BDKRB2: variants seen among roughly 807,000 people sequenced by gnomAD.
BDKRB2 encodes the protein bradykinin receptor B2, also known as B2 bradykinin receptor.
A neutral mutation model predicts 4.0 loss-of-function variants in BDKRB2; 6 were observed. The ratio of observed to expected loss-of-function variants is 1.49; its 90% CI spans 0.81 to 2.93. The LOEUF is 2.93. BDKRB2 is among the 30% of genes most tolerant of loss of function. BDKRB2 has a pLI of 0.00. For missense variants in BDKRB2, 478 were observed against 520.1 expected (o/e 0.92, Z 0.79); for synonymous variants, 225 against 215.3 (o/e 1.05, Z -0.40).
At chr14:96,224,485 T>A (rs1890650549) in intron 1 of BDKRB2, among the ~76,000 whole-genome samples, 1 of 152,174 alleles carries the variant, frequency 6.6e-6, no homozygotes, top group Non-Finnish European at 1.5e-5. Flanking sequence ...AATGAAGATA[T>A]GTTGCAGGCA....
At chr14:96,208,931 G>A (rs1401445593) in intron 1 of BDKRB2, among the ~76,000 whole-genome samples, 1 of 152,212 alleles carries the variant, frequency 6.6e-6, no homozygotes, top group Admixed American at 6.5e-5. Context: ...CAGTGCCTGA[G>A]GGGACGCCCG....
At chr14:96,231,017 A>C (rs1890807369) in intron 1 of BDKRB2, among the ~76,000 whole-genome samples, 1 of 152,222 alleles carries the variant, frequency 6.6e-6, no homozygotes, top group South Asian at 2.1e-4. Context: ...TTATTTAATA[A>C]AACTGAAAAG....
Position 96,241,148 on chromosome 14 carries a change from G to T in BDKRB2, c.820G>T (p.Val274Phe). 2 of 1,610,506 alleles carry T rather than the reference G, an allele frequency of 1.2e-6. No individual in the cohort carries two copies. The highest frequency in any genetic ancestry group is 1.7e-6 in the Non-Finnish European group (2 of 1,177,884). ...TERRATVLVL[V>F]VLLLFIICWL... ...GAGGAGGGCCACGGTGCTAGTCCTG[G>T]TTGTGCTGCTGCTATTCATCATCTG... The change falls in exon 3 of 3, where the codon GTT becomes TTT. Residue 274 changes from valine to phenylalanine, a missense_variant. Coordinates refer to ENST00000554311, the MANE Select transcript of BDKRB2 (RefSeq NM_001379692.1).
intron 1 of BDKRB2, among the ~76,000 whole-genome samples, chr14:96,216,887 A>G (rs566310913): frequency 2.0e-5 from 3 of 152,196 alleles, no homozygotes; most frequent in East Asian, 1.9e-4. Context: ...CTGATATACA[A>G]TCGGCACATC....
intron 1 of BDKRB2, among the ~76,000 whole-genome samples, chr14:96,234,437 G>C (rs1890887236): frequency 6.6e-6 from 1 of 152,072 alleles, no homozygotes; most frequent in African/African-American, 2.4e-5. Flanking sequence ...GCTCCCACTG[G>C]CCAAACCCAA....
intron 1 of BDKRB2, among the ~76,000 whole-genome samples, chr14:96,218,178 C>T (rs4905465): frequency 1.3e-5 from 2 of 152,010 alleles, no homozygotes; most frequent in African/African-American, 4.8e-5. Context: ...AAAGTGCAGA[C>T]GGGCAGGGTT....
At chr14:96,222,286 A>G (rs967865708) in intron 1 of BDKRB2, among the ~76,000 whole-genome samples, 15 of 152,074 alleles carry the variant, frequency 9.9e-5, no homozygotes, top group African/African-American at 2.9e-4. Flanking sequence ...TGCGTTCACC[A>G]ACTCGGAAGC....
At chr14:96,218,211 G>T (rs1045908213) in intron 1 of BDKRB2, among the ~76,000 whole-genome samples, 52 of 152,094 alleles carry the variant, frequency 3.4e-4, no homozygotes, top group African/African-American at 1.1e-3. Context: ...CATGACTTTG[G>T]ACAGGTCACC....
At chr14:96,217,293 G>A (rs142025522) in intron 1 of BDKRB2, among the ~76,000 whole-genome samples, 58 of 152,374 alleles carry the variant, frequency 3.8e-4, no homozygotes, top group Non-Finnish European at 6.5e-4. Context: ...TTCAGAGGAA[G>A]TCACTACAAT....
Position 96,204,888 on chromosome 14 carries a change from CGGTGG to C in BDKRB2, c.-108_-104del, listed in dbSNP as rs1746342319. 2.9e-6 allele frequency: 1 copy of C among 345,808 alleles called. No homozygotes were observed. The highest frequency in any genetic ancestry group is 5.8e-6 in the Non-Finnish European group (1 of 173,544). The allele number at this position is 345,808 out of a possible 1,614,324, so 21.4% of individuals were successfully genotyped here. ...CGAGGAGGGGTGGGGACGGTGGGGA[CGGTGG>C]GGACATCAGGCTGCCCCGCAGTACC... On this transcript the variant is annotated 5_prime_UTR_variant, in exon 1 of 3. Transcript: ENST00000554311.
At chr14:96,216,145 G>A (rs938392888) in intron 1 of BDKRB2, among the ~76,000 whole-genome samples, 10 of 152,164 alleles carry the variant, frequency 6.6e-5, no homozygotes, top group Admixed American at 3.9e-4. Context: ...CTCAGCTCAG[G>A]AAGTAGGAAT....
At chr14:96,223,120 C>T (rs117534031) in intron 1 of BDKRB2, 64 of 1,280,730 alleles carry the variant, frequency 5.0e-5, no homozygotes, top group Non-Finnish European at 6.2e-5. Context: ...GTCACACAAA[C>T]AAATTCACTA....
At position 96,207,186 on chromosome 14, in the gene BDKRB2, C is replaced by T. The variant is rs144719762; in HGVS notation, c.-40+2227C>T. Among the ~76,000 whole-genome samples the T allele has an allele frequency of 2.3e-3, 354 of 152,270 alleles. 1 individual carries two copies. Among genetic ancestry groups the T allele is most frequent in the African/African-American group, 8.0e-3 (333 of 41,550 alleles). ...AATGAAAGTAGGGGCCTTGTCTATC[C>T]GCTCAAGCTGCCTCCTCTGCACTGA... On this transcript the variant is annotated intron_variant, in intron 1 of 2. Coordinates refer to ENST00000554311, the MANE Select transcript of BDKRB2 (RefSeq NM_001379692.1).
intron 1 of BDKRB2, among the ~76,000 whole-genome samples, chr14:96,226,267 T>G (rs531652025): frequency 6.6e-6 from 1 of 152,284 alleles, no homozygotes; most frequent in African/African-American, 2.4e-5. Context: ...TGCCTCGGCC[T>G]GGGGTATGAG....
chr14:96,211,506 T>C (rs1001617312), intron 1 of BDKRB2, among the ~76,000 whole-genome samples: 33 of 152,222 alleles, frequency 2.2e-4, no homozygotes, highest in Non-Finnish European at 4.4e-5. Flanking sequence ...GCTACAGGTG[T>C]GCTCACACGT....
intron 1 of BDKRB2, among the ~76,000 whole-genome samples, chr14:96,217,906 C>G (rs750043510): frequency 2.6e-5 from 4 of 152,126 alleles, no homozygotes; most frequent in Non-Finnish European, 4.4e-5. Flanking sequence ...ACAATCAACC[C>G]GGCTCTTTCT....
intron 1 of BDKRB2, among the ~76,000 whole-genome samples, chr14:96,211,593 C>T (rs1451067008): frequency 1.3e-5 from 2 of 152,190 alleles, no homozygotes; most frequent in Admixed American, 6.5e-5. Flanking sequence ...GGGGGGACTC[C>T]TCAAATGAAC....
At chr14:96,221,558 G>A (rs1442418482) in intron 1 of BDKRB2, among the ~76,000 whole-genome samples, 2 of 152,094 alleles carry the variant, frequency 1.3e-5, no homozygotes, top group African/African-American at 2.4e-5. Context: ...GTAGACACCC[G>A]GAGGACAGAG....
intron 1 of BDKRB2, among the ~76,000 whole-genome samples, chr14:96,228,740 G>A (rs1199882620): frequency 6.6e-6 from 1 of 152,168 alleles, no homozygotes; most frequent in Non-Finnish European, 1.5e-5. Context: ...CTTGTGGGTG[G>A]GGCTTTTGCC....
Sources: gnomAD v4.1 joint callset for allele counts (sites outside exome capture counted in the v4.1 genomes callset) on GRCh38, gnomAD v4.1.1 for gene constraint, MANE v1.5 for transcripts, NCBI Gene and HGNC (gene_info 2026-07-23, HGNC 2026-07-21) for gene names.